ADAM12: variants seen among roughly 807,000 people sequenced by gnomAD.
ADAM12 encodes ADAM metallopeptidase domain 12, also known as disintegrin and metalloproteinase domain-containing protein 12.
In ADAM12, 70 loss-of-function variants were observed where a neutral mutation model predicts 106.4. The ratio of observed to expected loss-of-function variants is 0.66; its 90% CI spans 0.54 to 0.80. The LOEUF (loss-of-function observed/expected upper bound fraction) is 0.80. ADAM12 is among the 30% of genes least tolerant of loss of function. The pLI, the probability that ADAM12 is intolerant of heterozygous loss-of-function variation, is 0.00. For synonymous variants in ADAM12, 420 were observed against 433.5 expected (o/e 0.97, Z 0.39); for missense variants, 1,010 against 1,171.9 (o/e 0.86, Z 2.02).
At chr10:126,183,305 C>A (rs887176617) in intron 3 of ADAM12, among the ~76,000 whole-genome samples, 1 of 152,170 alleles carries the variant, frequency 6.6e-6, no homozygotes, top group Non-Finnish European at 1.5e-5. Flanking sequence ...GAATCATCCC[C>A]AAACCACCCC....
intron 1 of ADAM12, among the ~76,000 whole-genome samples, chr10:126,356,413 G>T (rs1855541230): frequency 6.6e-6 from 1 of 152,186 alleles, no homozygotes; most frequent in Non-Finnish European, 1.5e-5. Context: ...GCCATCTAGA[G>T]AATGGAAAGC....
chr10:126,312,951 C>T (rs1365239836), intron 2 of ADAM12, among the ~76,000 whole-genome samples: 1 of 152,202 alleles, frequency 6.6e-6, no homozygotes, highest in Non-Finnish European at 1.5e-5. Context: ...TTCAGTAATA[C>T]ATTATTACTT....
chr10:126,125,024 T>C lies in ADAM12; in HGVS notation c.417-6800A>G, dbSNP rs569906395. On this transcript the variant is annotated intron_variant, in intron 5 of 22. Transcript: ENST00000448723. ...GCTCCTTTTTTAAATTTCAGTGTTA[T>C]GGAAAAATAATTCACACAGCATTAA... Among the ~76,000 whole-genome samples the C allele has an allele frequency of 3.3e-5, 5 of 152,100 alleles. No individual in the cohort carries two copies. In the East Asian group the frequency reaches 7.7e-4, roughly 23 times the overall value.
chr10:126,157,995 G>C lies in ADAM12; in HGVS notation c.261-2690C>G, dbSNP rs564668772. Among the ~76,000 whole-genome samples the C allele has an allele frequency of 7.3e-4, 111 of 152,386 alleles. 1 individual carries two copies. The Middle Eastern group carries it at 0.014, about 19-fold the overall frequency. On this transcript the variant is annotated intron_variant, in intron 3 of 22. Coordinates refer to ENST00000448723, the MANE Select transcript of ADAM12 (RefSeq NM_001288973.2). ...GAGGAGTCTGGTGACCTTGACAATG[G>C]AGATGCAGCAGGTGAGCCCAGGTCA...
At chr10:126,339,214 A>C (rs1032112852) in intron 1 of ADAM12, among the ~76,000 whole-genome samples, 5 of 152,164 alleles carry the variant, frequency 3.3e-5, no homozygotes, top group Non-Finnish European at 7.3e-5. Context: ...TTTTCTTCCC[A>C]TCTGGCCACT....
chr10:126,021,416 T>C (rs1953765140), intron 21 of ADAM12, among the ~76,000 whole-genome samples: 1 of 152,226 alleles, frequency 6.6e-6, no homozygotes, highest in Non-Finnish European at 1.5e-5. Flanking sequence ...AATCACCATT[T>C]AACATATCTT....
rs144596223 is a variant in ADAM12 at position 126,332,114 on chromosome 10, C to T, written c.89-1605G>A. 5.3e-3 allele frequency among the ~76,000 whole-genome samples: 813 copies of T among 152,296 alleles called. 14 individuals carry two copies. Among genetic ancestry groups the T allele is most frequent in the African/African-American group, 0.019 (772 of 41,564 alleles). On this transcript the variant is annotated intron_variant, in intron 1 of 22. Coordinates refer to ENST00000448723, the MANE Select transcript of ADAM12 (RefSeq NM_001288973.2). ...CTACCACACATCAGCTGCGGGGCCACGGGCCAGTTGTGTCCCACGTGTTTA... is the reference window on the plus strand; with the variant it reads ...CTACCACACATCAGCTGCGGGGCCATGGGCCAGTTGTGTCCCACGTGTTTA...
chr10:126,220,136 C>T (rs58695351), intron 3 of ADAM12, among the ~76,000 whole-genome samples: 9,846 of 152,274 alleles, frequency 0.065, 561 homozygotes, highest in East Asian at 0.18. Context: ...CATTCGGAAG[C>T]CTCCACTCTT....
intron 3 of ADAM12, among the ~76,000 whole-genome samples, chr10:126,206,558 C>T (rs1161295280): frequency 6.6e-6 from 1 of 152,176 alleles, no homozygotes; most frequent in Non-Finnish European, 1.5e-5. Flanking sequence ...CTGACAAACA[C>T]AACACATCTC....
At chr10:126,126,958 G>A (rs1206297486) in intron 5 of ADAM12, among the ~76,000 whole-genome samples, 1 of 152,130 alleles carries the variant, frequency 6.6e-6, no homozygotes, top group African/African-American at 2.4e-5. Flanking sequence ...GTGACAGTGG[G>A]GCCTGGGGAG....
At chr10:126,133,712 C>T (rs184232147) in intron 5 of ADAM12, among the ~76,000 whole-genome samples, 34 of 152,264 alleles carry the variant, frequency 2.2e-4, no homozygotes, top group African/African-American at 7.9e-4. Context: ...CCTACCTTTC[C>T]ACTTCCCTTC....
intron 14 of ADAM12, among the ~76,000 whole-genome samples, chr10:126,050,458 A>C (rs1164953675): frequency 6.6e-6 from 1 of 152,242 alleles, no homozygotes; most frequent in African/African-American, 2.4e-5. Context: ...AAAACATGCC[A>C]CATTCTTTAG....
intron 14 of ADAM12, among the ~76,000 whole-genome samples, chr10:126,059,318 A>G (rs183599322): frequency 5.9e-5 from 9 of 152,242 alleles, no homozygotes; most frequent in Admixed American, 5.9e-4. Context: ...GATTTCCCTA[A>G]CCCCTGCCAC....
At chr10:126,182,907 G>A (rs1297177346) in intron 3 of ADAM12, among the ~76,000 whole-genome samples, 1 of 152,252 alleles carries the variant, frequency 6.6e-6, no homozygotes, top group East Asian at 1.9e-4. Flanking sequence ...GCCACAGACC[G>A]ATACCTGTCC....
At chr10:126,258,650 G>C (rs950845545) in intron 3 of ADAM12, among the ~76,000 whole-genome samples, 1 of 152,036 alleles carries the variant, frequency 6.6e-6, no homozygotes, top group Non-Finnish European at 1.5e-5. Flanking sequence ...CCATGCCCTG[G>C]CATTCGGCCA....
Position 126,064,902 on chromosome 10 carries a change from G to A in ADAM12, c.1513C>T (p.Leu505=), listed in dbSNP as rs770589536. ...ASPHCPANVY[L]HDGHSCQDVD... ...TCCTGACATGAGTGCCCATCGTGCA[G>A]GTACACGTTGGCTGGGCAGTGAGGG... The change falls in exon 14 of 23, where the codon CTG becomes TTG. Residue 505 remains leucine (L), a synonymous_variant. Coordinates refer to ENST00000448723, the MANE Select transcript of ADAM12 (RefSeq NM_001288973.2). This position sits in a 1 kb window ranked among gnomAD's most constrained non-coding sequence, Gnocchi z 4.4. 8.1e-6 allele frequency: 13 copies of A among 1,613,070 alleles called. No homozygotes were observed. The highest frequency in any genetic ancestry group is 1.7e-5 in the Admixed American group (1 of 59,914).
intron 1 of ADAM12, among the ~76,000 whole-genome samples, chr10:126,369,802 G>A (rs935547419): frequency 1.3e-5 from 2 of 152,064 alleles, no homozygotes; most frequent in South Asian, 2.1e-4. Flanking sequence ...CAGTGCCCCC[G>A]CCTCCTGGTA....
rs530772849 is a variant in ADAM12 at position 126,321,114 on chromosome 10, C to A, written c.186+9298G>T. Among the ~76,000 whole-genome samples the A allele has an allele frequency of 3.3e-5, 5 of 152,286 alleles. No homozygotes were observed. The East Asian group carries it at 9.6e-4, about 29-fold the overall frequency. On this transcript the variant is annotated intron_variant, in intron 2 of 22. Coordinates refer to ENST00000448723, the MANE Select transcript of ADAM12 (RefSeq NM_001288973.2). ...ATTCATACGTCCTTGGGCAAATGTA[C>A]AACTGAAAACAGAATTCATCAAACT... is the stretch of plus-strand genomic sequence containing the variant.
chr10:126,373,615 T>C (rs1304239361), intron 1 of ADAM12, among the ~76,000 whole-genome samples: 10 of 152,154 alleles, frequency 6.6e-5, no homozygotes. Context: ...AAATCTGGGA[T>C]TACAATAGGC....
Sources: allele counts gnomAD v4.1 joint callset (sites outside exome capture counted in the v4.1 genomes callset), GRCh38; gene constraint gnomAD v4.1.1; non-coding constraint Gnocchi (gnomAD v3.1); transcripts MANE v1.5; gene names NCBI Gene and HGNC (gene_info 2026-07-23, HGNC 2026-07-21).